KSR2: variants seen among roughly 807,000 people sequenced by gnomAD.
KSR2 encodes the protein kinase suppressor of ras 2.
In KSR2, 25 loss-of-function variants were observed where a neutral mutation model predicts 107.8. The observed-to-expected ratio is 0.23, with a 90% CI of 0.17 to 0.32. The LOEUF (loss-of-function observed/expected upper bound fraction) is 0.32, where lower values mean the gene tolerates loss of function less well. Among genes scored for constraint, KSR2 ranks in the 10% least tolerant of loss-of-function variants. KSR2 has a pLI of 1.00. For missense variants in KSR2, 887 were observed against 1,268.9 expected (o/e 0.70, Z 4.57); for synonymous variants, 480 against 507.0 (o/e 0.95, Z 0.71).
chr12:117,569,826 A>G (rs1191240489), intron 7 of KSR2, among the ~76,000 whole-genome samples: 2 of 152,130 alleles, frequency 1.3e-5, no homozygotes, highest in Non-Finnish European at 2.9e-5. Context: ...TGAAATATAT[A>G]TAAGGATTCA....
chr12:117,711,880 T>C (rs56081717), intron 4 of KSR2, among the ~76,000 whole-genome samples: 1 of 152,174 alleles, frequency 6.6e-6, no homozygotes, highest in Non-Finnish European at 1.5e-5. Context: ...CATGAAGAGT[T>C]GCCCCAGAAG....
At chr12:117,767,585 A>G (rs2136898310) in intron 3 of KSR2, among the ~76,000 whole-genome samples, 1 of 151,918 alleles carries the variant, frequency 6.6e-6, no homozygotes, top group Non-Finnish European at 1.5e-5. Context: ...AGATCACTTC[A>G]GGCCAGAAGT....
At chr12:117,503,633 T>C (rs1270435864) in intron 14 of KSR2, among the ~76,000 whole-genome samples, 1 of 152,218 alleles carries the variant, frequency 6.6e-6, no homozygotes, top group Non-Finnish European at 1.5e-5. Context: ...GAAATAAACG[T>C]TCTGAGTAGC....
In KSR2 at chr12:117,460,065, C is replaced by G. The variant is rs1041737313; in HGVS notation, c.*7134G>C. 6 of 152,194 alleles carry G rather than the reference C, an allele frequency of 3.9e-5. No individual in the cohort carries two copies. Among genetic ancestry groups the G allele is most frequent in the African/African-American group, 1.4e-4 (6 of 41,446 alleles). 9.4% of individuals were successfully genotyped at this position (152,194 alleles called of 1,614,324 possible). On this transcript the variant is annotated 3_prime_UTR_variant, in exon 20 of 20. Coordinates refer to ENST00000339824, the MANE Select transcript of KSR2 (RefSeq NM_173598.6). ...AATCAAGAAATTAGTTTCATTTTAC[C>G]TAAGCATTTCCAATGCATGCTTGTC... is the stretch of plus-strand genomic sequence containing the variant.
chr12:117,496,028 TGGCAACAGAGG>T (rs1873005375), intron 14 of KSR2, among the ~76,000 whole-genome samples: 3 of 133,770 alleles, frequency 2.2e-5, no homozygotes, highest in Non-Finnish European at 4.6e-5. Flanking sequence ...CACTCCAGCC[TGGCAACAGAGG>T]GAGACTCCGT....
intron 16 of KSR2, among the ~76,000 whole-genome samples, chr12:117,483,091 G>A (rs149149956): frequency 1.1e-3 from 172 of 152,298 alleles, no homozygotes; most frequent in Non-Finnish European, 2.1e-3. Context: ...GGTTCCAACT[G>A]GAGGGACTCT....
At position 117,549,641 on chromosome 12, in the gene KSR2, G is replaced by A. The variant is rs558447595; in HGVS notation, c.1518+5528C>T. The stretch of plus-strand genomic sequence containing the variant: ...AAAAGAAAGGAAGAAATGGAAAGAG[G>A]AAGGGTTGTATGGAAGAACAGGAGA... On this transcript the variant is annotated intron_variant, in intron 9 of 19. Transcript: ENST00000339824. Among the ~76,000 whole-genome samples, 3 of 152,280 alleles carry A rather than the reference G, an allele frequency of 2.0e-5. No individual in the cohort carries two copies. The South Asian group carries it at 6.2e-4, about 32-fold the overall frequency.
At chr12:117,698,822 T>G (rs1455984718) in intron 4 of KSR2, among the ~76,000 whole-genome samples, 1 of 152,318 alleles carries the variant, frequency 6.6e-6, no homozygotes. Flanking sequence ...ATATTTCTTC[T>G]TGTTTATTCA....
intron 5 of KSR2, among the ~76,000 whole-genome samples, chr12:117,592,479 C>T (rs116125003): frequency 1.3e-3 from 192 of 152,252 alleles, no homozygotes; most frequent in African/African-American, 4.1e-3. Flanking sequence ...AACCATCAAG[C>T]TAGGATCCCC....
intron 17 of KSR2, among the ~76,000 whole-genome samples, chr12:117,472,646 T>TGACA (rs2137117406): frequency 6.6e-6 from 1 of 152,348 alleles, no homozygotes; most frequent in African/African-American, 2.4e-5. Flanking sequence ...TCCTTCTACC[T>TGACA]GACAACCTTA....
chr12:117,638,719 G>A (rs555985603), intron 5 of KSR2, among the ~76,000 whole-genome samples: 9 of 152,086 alleles, frequency 5.9e-5, no homozygotes, highest in African/African-American at 1.7e-4. Context: ...AATGCACATC[G>A]GGGCTTCCAG....
chr12:117,506,826 G>T (rs551459180), intron 14 of KSR2, among the ~76,000 whole-genome samples: 3 of 152,122 alleles, frequency 2.0e-5, no homozygotes, highest in Middle Eastern at 6.8e-3. Flanking sequence ...TAGATAGATA[G>T]ATTTATTTAT....
chr12:117,954,538 TTTC>T (rs1374855676), intron 1 of KSR2, among the ~76,000 whole-genome samples: 1 of 152,112 alleles, frequency 6.6e-6, no homozygotes, highest in Non-Finnish European at 1.5e-5. Flanking sequence ...CTTCTATGGG[TTTC>T]TTCTTCTCAC....
chr12:117,788,510 C>CT (rs1002903750), intron 3 of KSR2, among the ~76,000 whole-genome samples: 10 of 151,458 alleles, frequency 6.6e-5, no homozygotes, highest in Non-Finnish European at 8.8e-5. Flanking sequence ...GTACAGAACA[C>CT]TTTTTTTTTG....
At chr12:117,775,609 C>A (rs2136927382) in intron 3 of KSR2, among the ~76,000 whole-genome samples, 1 of 152,304 alleles carries the variant, frequency 6.6e-6, no homozygotes, top group South Asian at 2.1e-4. Flanking sequence ...CTCTTGGCTG[C>A]TATAAACATA....
chr12:117,550,198 G>T (rs966597726), intron 9 of KSR2, among the ~76,000 whole-genome samples: 3 of 152,210 alleles, frequency 2.0e-5, no homozygotes, highest in Admixed American at 6.5e-5. Flanking sequence ...TGGCCTCCTG[G>T]AGTCACACAG....
chr12:117,707,348 A>G (rs183654180), intron 4 of KSR2, among the ~76,000 whole-genome samples: 7 of 152,178 alleles, frequency 4.6e-5, no homozygotes, highest in Admixed American at 2.6e-4. Context: ...AACTTTGTTA[A>G]TATACGAAAA....
chr12:117,855,319 G>T, intron 3 of KSR2, 109 bp downstream of exon 3: 1 of 1,454,966 alleles, frequency 6.9e-7, no homozygotes. Context: ...GCCCCCCAGG[G>T]TTGACTCTGT....
intron 14 of KSR2, among the ~76,000 whole-genome samples, chr12:117,510,763 A>C (rs372234077): frequency 6.6e-6 from 1 of 152,210 alleles, no homozygotes; most frequent in South Asian, 2.1e-4. Flanking sequence ...CTGTGGTCCC[A>C]ACTACTCGGG....
Sources: allele counts gnomAD v4.1 joint callset (sites outside exome capture counted in the v4.1 genomes callset), GRCh38; gene constraint gnomAD v4.1.1; transcripts MANE v1.5; gene names NCBI Gene and HGNC (gene_info 2026-07-23, HGNC 2026-07-21).